SUV39H2: variants seen among roughly 807,000 people sequenced by gnomAD.
The protein encoded by SUV39H2 is histone-lysine N-methyltransferase SUV39H2.
A neutral mutation model predicts 47.5 loss-of-function variants in SUV39H2; 10 were observed. That is an observed-to-expected ratio of 0.21 (90% CI 0.13 to 0.36). The LOEUF is 0.36. Ranked by LOEUF, SUV39H2 falls within the 10% of genes least tolerant of loss-of-function variation. The probability of loss-of-function intolerance (pLI) is 1.00; values close to 1 mark genes in which losing one functional copy is unlikely to be tolerated. For synonymous variants in SUV39H2, 159 were observed against 166.8 expected, an observed-to-expected ratio of 0.95 and a Z score of 0.36; for missense variants, 266 against 487.4, an observed-to-expected ratio of 0.55 and a Z score of 4.28.
chr10:14,892,320 C>G (rs559563845), intron 2 of SUV39H2, among the ~76,000 whole-genome samples: 1 of 152,162 alleles, frequency 6.6e-6, no homozygotes, highest in Non-Finnish European at 1.5e-5. Context: ...CTTTAAGAAC[C>G]ACCGGCCTAC....
At chr10:14,879,221 C>G (rs1169417511) in intron 1 of SUV39H2, 6 of 869,190 alleles carry the variant, frequency 6.9e-6, no homozygotes, top group Middle Eastern at 4.5e-4. Flanking sequence ...GTGGCGGCCT[C>G]GGGCTTCGAG....
chr10:14,881,316 A>G (rs1031237543), intron 1 of SUV39H2, among the ~76,000 whole-genome samples, 184 bp from the exon 2 acceptor site: 5 of 152,238 alleles, frequency 3.3e-5, no homozygotes, highest in Admixed American at 2.6e-4. Context: ...AAGAACACCA[A>G]TTTAACAAAA....
At chr10:14,885,962 C>G (rs754510937) in intron 2 of SUV39H2, among the ~76,000 whole-genome samples, 2 of 152,186 alleles carry the variant, frequency 1.3e-5, no homozygotes, top group African/African-American at 4.8e-5. Context: ...TTAACAGTCT[C>G]ATCTGAGACA....
At chr10:14,894,215 C>T (rs1833485064) in intron 2 of SUV39H2, among the ~76,000 whole-genome samples, 1 of 148,468 alleles carries the variant, frequency 6.7e-6, no homozygotes, top group African/African-American at 2.5e-5. Context: ...CTAAAATGTA[C>T]ATCTAGGCTT....
intron 2 of SUV39H2, among the ~76,000 whole-genome samples, chr10:14,882,851 A>G (rs1588833173): frequency 7.8e-6 from 1 of 128,844 alleles, no homozygotes; most frequent in Non-Finnish European, 1.7e-5. Context: ...CTTCCTATCT[A>G]CCCCCTATAG....
intron 3 of SUV39H2, 156 bp downstream of exon 3, chr10:14,897,673 G>A: frequency 1.7e-6 from 1 of 589,232 alleles, no homozygotes; most frequent in Non-Finnish European, 2.5e-6. Flanking sequence ...AGAGTTCACT[G>A]GCATATTTAG....
In SUV39H2 at chr10:14,897,421, G is replaced by A. The variant is rs368991744; in HGVS notation, c.753G>A (p.Ser251=). 6.3e-5 allele frequency: 101 copies of A among 1,612,966 alleles called. 1 individual carries two copies. Among genetic ancestry groups the A allele is most frequent in the Admixed American group, 2.8e-4 (17 of 59,988 alleles). The change falls in exon 3 of 6, where the codon TCG becomes TCA. Residue 251 remains serine, a synonymous_variant. Transcript: ENST00000354919. The stretch of plus-strand genomic sequence containing the variant: ...TTGTACAAAAAGGCACACAGTATTC[G>A]CTTTGCATCTTTCGAACTAGCAATG... The part of the protein sequence containing the change: ...NRIVQKGTQY[S]LCIFRTSNGR...
At position 14,903,202 on chromosome 10, in the gene SUV39H2, G is replaced by GCT. The variant is rs1834137732; in HGVS notation, c.*697_*698dup. On this transcript the variant is annotated 3_prime_UTR_variant, in exon 6 of 6. Coordinates refer to ENST00000354919, the MANE Select transcript of SUV39H2 (RefSeq NM_001193424.2). ...CTTCTAGAAGAAAAATCTCCGAAGA[G>GCT]CTCTCTCTAGAAGTCCAAAATGGCT... 6.6e-6 allele frequency: 1 copy of GCT among 152,134 alleles called. No homozygotes were observed. Among genetic ancestry groups the GCT allele is most frequent in the Non-Finnish European group, 1.5e-5 (1 of 68,036 alleles). The allele number at this position is 152,134 out of a possible 1,614,324, so 9.4% of individuals were successfully genotyped here.
At chr10:14,880,310 G>T (rs1420164245) in intron 1 of SUV39H2, among the ~76,000 whole-genome samples, 1 of 152,204 alleles carries the variant, frequency 6.6e-6, no homozygotes, top group African/African-American at 2.4e-5. Flanking sequence ...GTGAGGTGGG[G>T]AGGATGAGGA....
At chr10:14,902,372 T>C in intron 5 of SUV39H2, 34 bp from the exon 6 acceptor site, 1 of 1,427,952 alleles carries the variant, frequency 7.0e-7, no homozygotes, top group African/African-American at 1.4e-5. Context: ...GTCTTAACTC[T>C]CTTTCTCCTA....
At position 14,881,576 on chromosome 10, in the gene SUV39H2, G is replaced by C; in HGVS notation, c.108G>C (p.Ser36=). The C allele has an allele frequency of 1.2e-6, 2 of 1,604,862 alleles. No homozygotes were observed. Among genetic ancestry groups the C allele is most frequent in the South Asian group, 2.2e-5 (2 of 89,122 alleles). The part of the protein sequence containing the change: ...LCRKEKLTCK[S]IGITKRNLNN... ...GAAAAGAAAAGCTCACATGTAAATC[G>C]ATTGGAATCACCAAAAGGAATCTAA... The change falls in exon 2 of 6, where the codon TCG becomes TCC. Residue 36 remains serine, a synonymous_variant. Transcript: ENST00000354919.
chr10:14,895,700 A>G (rs1053588286), intron 2 of SUV39H2, among the ~76,000 whole-genome samples: 6 of 152,204 alleles, frequency 3.9e-5, no homozygotes, highest in Non-Finnish European at 8.8e-5. Context: ...AGCATTCTCT[A>G]GAAGAGAGCT....
chr10:14,902,381 T>C, intron 5 of SUV39H2, 25 bp from the exon 6 acceptor site: 1 of 1,474,428 alleles, frequency 6.8e-7, no homozygotes, highest in East Asian at 2.3e-5. Context: ...CTCTTTCTCC[T>C]ATATTTCTTT....
At chr10:14,900,752 C>G (rs568573478) in intron 4 of SUV39H2, among the ~76,000 whole-genome samples, 257 of 151,946 alleles carry the variant, frequency 1.7e-3, no homozygotes, top group Non-Finnish European at 3.1e-3. Context: ...CACAGTTGTT[C>G]TAGTTATTTT....
intron 2 of SUV39H2, among the ~76,000 whole-genome samples, chr10:14,884,810 A>G (rs1465979945): frequency 6.6e-6 from 1 of 152,192 alleles, no homozygotes; most frequent in Non-Finnish European, 1.5e-5. Context: ...AAGTTGTGTG[A>G]TCTTCAGCAA....
chr10:14,880,339 T>C (rs941704035), intron 1 of SUV39H2, among the ~76,000 whole-genome samples: 4 of 152,192 alleles, frequency 2.6e-5, no homozygotes, highest in Admixed American at 6.6e-5. Flanking sequence ...GGAAAAGTTA[T>C]TGCCACTAAC....
intron 2 of SUV39H2, among the ~76,000 whole-genome samples, chr10:14,883,218 CTGATA>C (rs537277231): frequency 2.0e-5 from 3 of 152,198 alleles, no homozygotes; most frequent in African/African-American, 7.2e-5. Flanking sequence ...TCTTTTTTTA[CTGATA>C]TATCTCAGTC....
intron 2 of SUV39H2, among the ~76,000 whole-genome samples, chr10:14,889,459 A>T (rs573680485): frequency 2.0e-5 from 3 of 152,318 alleles, no homozygotes; most frequent in African/African-American, 4.8e-5. Flanking sequence ...GCTTTTTAAA[A>T]ATGGAGCCTG....
intron 2 of SUV39H2, among the ~76,000 whole-genome samples, chr10:14,886,361 TTCA>T (rs1251792779): frequency 6.6e-6 from 1 of 152,200 alleles, no homozygotes; most frequent in Non-Finnish European, 1.5e-5. Flanking sequence ...TTGATTTATG[TTCA>T]GGATTTACAA....
Sources: allele counts gnomAD v4.1 joint callset (sites outside exome capture counted in the v4.1 genomes callset), GRCh38; gene constraint gnomAD v4.1.1; transcripts MANE v1.5; gene names NCBI Gene and HGNC (gene_info 2026-07-23, HGNC 2026-07-21).